TNRC6A: variants seen among roughly 807,000 people sequenced by gnomAD.
TNRC6A encodes trinucleotide repeat containing adaptor 6A, also known as trinucleotide repeat-containing gene 6A protein.
A neutral mutation model predicts 221.2 loss-of-function variants in TNRC6A; 44 were observed. That is an observed-to-expected ratio of 0.20 (90% CI 0.16 to 0.26). TNRC6A has a LOEUF of 0.26. TNRC6A is among the 10% of genes least tolerant of loss of function. The pLI, the probability that TNRC6A is intolerant of heterozygous loss-of-function variation, is 1.00. For missense variants in TNRC6A, 2,199 were observed against 2,404.4 expected, an observed-to-expected ratio of 0.91 and a Z score of 1.79; for synonymous variants, 847 against 838.5, an observed-to-expected ratio of 1.01 and a Z score of -0.18.
At chr16:24,792,613 C>CTTTTTTTTTTTTTTT in intron 6 of TNRC6A, among the ~76,000 whole-genome samples, 1 of 56,514 alleles carries the variant, frequency 1.8e-5, no homozygotes, top group Non-Finnish European at 2.9e-5. Flanking sequence ...ACATTTATGG[C>CTTTTTTTTTTTTTTT]TTTTTTTTTT....
chr16:24,689,260 C>T (rs1167924889), intron 2 of TNRC6A, among the ~76,000 whole-genome samples: 1 of 152,204 alleles, frequency 6.6e-6, no homozygotes, highest in Non-Finnish European at 1.5e-5. Flanking sequence ...AAACAAGCAA[C>T]ACATGTTCTT....
At chr16:24,805,291 A>T (rs983429208) in intron 14 of TNRC6A, 140 bp downstream of exon 14, 2 of 1,237,838 alleles carry the variant, frequency 1.6e-6, no homozygotes, top group African/African-American at 1.5e-5. Context: ...ATTAACTATT[A>T]AAAAAGGTTG....
intron 5 of TNRC6A, among the ~76,000 whole-genome samples, chr16:24,783,259 G>T (rs910027710): frequency 6.6e-6 from 1 of 152,058 alleles, no homozygotes; most frequent in African/African-American, 2.4e-5. Flanking sequence ...CTCCTGAGTA[G>T]CTGAGATTAT....
chr16:24,709,047 G>A (rs145677724), intron 2 of TNRC6A, among the ~76,000 whole-genome samples: 2 of 151,836 alleles, frequency 1.3e-5, no homozygotes, highest in Admixed American at 6.6e-5. Flanking sequence ...GCCTGAGGTC[G>A]GGAGTTCGAG....
chr16:24,621,727 T>C (rs983519682), intron 1 of TNRC6A, among the ~76,000 whole-genome samples: 12 of 152,206 alleles, frequency 7.9e-5, no homozygotes, highest in Admixed American at 1.3e-4. Context: ...TTCCTGTTAC[T>C]ATTATGTTAT....
chr16:24,798,853 A>C (rs1003710195), intron 11 of TNRC6A, among the ~76,000 whole-genome samples: 1 of 152,248 alleles, frequency 6.6e-6, no homozygotes, highest in Non-Finnish European at 1.5e-5. Flanking sequence ...ACAAGACTTT[A>C]ACAAGGAATT....
At chr16:24,786,016 T>G (rs1431021710) in intron 5 of TNRC6A, among the ~76,000 whole-genome samples, 4 of 152,266 alleles carry the variant, frequency 2.6e-5, no homozygotes, top group African/African-American at 7.2e-5. Context: ...AAGAAGCAGT[T>G]TTTGCCCCGT....
Position 24,655,264 on chromosome 16 carries a change from G to T in TNRC6A, n.402+14255G>T, listed in dbSNP as rs746015318. 7.0e-4 allele frequency among the ~76,000 whole-genome samples: 107 copies of T among 152,070 alleles called. 2 individuals carry two copies. Among genetic ancestry groups the T allele is most frequent in the Middle Eastern group, 3.4e-3 (1 of 294 alleles). On this transcript the variant is annotated intron_variant and non_coding_transcript_variant, in intron 2 of 2. Coordinates refer to the TNRC6A transcript ENST00000566108. ...GTCTCAAAAAAAAAATTTGAAAGGC[G>T]GGGGGGAACACTGATAGAAAAAAAG...
chr16:24,820,325 G>C lies in TNRC6A; in HGVS notation c.5267G>C (p.Gly1756Ala). ...GATAATTCTCCCCTTCGTATAGGTG[G>C]AGGATGGGGAAATTCTGACGCCAGA... The part of the protein sequence containing the change: ...TWDNSPLRIG[G>A]GWGNSDARYT... The change falls in exon 22 of 25, where the codon GGA becomes GCA. Residue 1756 changes from glycine to alanine, a missense_variant. By Grantham distance (60) the Gly-to-Ala change is moderately conservative (BLOSUM62 0). Transcript: ENST00000395799. 6.2e-7 allele frequency: 1 copy of C among 1,614,168 alleles called. No individual in the cohort carries two copies. The highest frequency in any genetic ancestry group is 8.5e-7 in the Non-Finnish European group (1 of 1,180,028).
intron 2 of TNRC6A, among the ~76,000 whole-genome samples, chr16:24,702,379 T>C (rs2056003767): frequency 6.6e-6 from 1 of 151,840 alleles, no homozygotes; most frequent in Non-Finnish European, 1.5e-5. Flanking sequence ...GATCTTGCCA[T>C]GTTGCCTAAG....
chr16:24,624,666 A>G (rs1207490146), intron 1 of TNRC6A, among the ~76,000 whole-genome samples: 2 of 151,886 alleles, frequency 1.3e-5, no homozygotes, highest in Admixed American at 1.3e-4. Context: ...TATTTTTTCT[A>G]GAGGTGGGAG....
At chr16:24,648,282 T>A (rs1347650390) in intron 2 of TNRC6A, among the ~76,000 whole-genome samples, 1 of 137,094 alleles carries the variant, frequency 7.3e-6, no homozygotes, top group Non-Finnish European at 1.6e-5. Context: ...AACTTTTTTT[T>A]TTTTTTTGAG....
In TNRC6A at chr16:24,712,785, G is replaced by A. The variant is rs140027793; in HGVS notation, n.403-37941G>A. Among the ~76,000 whole-genome samples the A allele has an allele frequency of 2.7e-3, 414 of 152,080 alleles. 3 individuals carry two copies. Among genetic ancestry groups the A allele is most frequent in the African/African-American group, 9.4e-3 (389 of 41,472 alleles). ...TTATTTTGTTTCGAGACAGGGTCTC[G>A]CTCTGTCACCCAGGCTAGAGTGCAG... On this transcript the variant is annotated intron_variant and non_coding_transcript_variant, in intron 2 of 2. Transcript: ENST00000566108.
Position 24,666,904 on chromosome 16 carries a change from T to A in TNRC6A, n.402+25895T>A, listed in dbSNP as rs1688544877. The stretch of plus-strand genomic sequence containing the variant: ...GCTGAGGCGGGTGGATCATTTGGGA[T>A]CAGGAGTTCGAGAGCAGCCTGGCCG... On this transcript the variant is annotated intron_variant and non_coding_transcript_variant, in intron 2 of 2. Coordinates refer to the TNRC6A transcript ENST00000566108. Among the ~76,000 whole-genome samples, 4 of 151,360 alleles carry A rather than the reference T, an allele frequency of 2.6e-5. No individual in the cohort carries two copies. In the South Asian group the frequency reaches 8.3e-4, roughly 31 times the overall value.
chr16:24,794,766 T>C, intron 8 of TNRC6A, 47 bp downstream of exon 8: 1 of 1,553,184 alleles, frequency 6.4e-7, no homozygotes, highest in African/African-American at 1.4e-5. Flanking sequence ...ATTCCAAAGG[T>C]AGTTTACCCA....
At chr16:24,666,450 G>GC (rs1179982231) in intron 2 of TNRC6A, among the ~76,000 whole-genome samples, 15 of 135,700 alleles carry the variant, frequency 1.1e-4, no homozygotes, top group Middle Eastern at 3.9e-3. Flanking sequence ...TCCAGCCTGG[G>GC]AACAGAGCAA....
In TNRC6A at chr16:24,823,573, C is replaced by T. The variant is rs1292113460; in HGVS notation, c.5655C>T (p.Leu1885=). The T allele has an allele frequency of 2.5e-6, 4 of 1,614,180 alleles. No individual in the cohort carries two copies. Among genetic ancestry groups the T allele is most frequent in the Admixed American group, 1.7e-5 (1 of 60,010 alleles). ...CCAGCCAGAGCCGGCTGGGCTCCCT[C>T]GACTGTTCCCACTCATTCTCCAGCC... ...LGSSQSRLGS[L]DCSHSFSSRT... Residue 1885 remains leucine, a synonymous_variant, in exon 25 of 25, where the codon CTC becomes CTT. Transcript: ENST00000395799. The surrounding 1 kb of genome is among the most constrained non-coding windows in gnomAD (Gnocchi z 4.3).
Position 24,729,702 on chromosome 16 carries a change from G to GCGGCGGTGT in TNRC6A, c.-134_-133insTGTCGGCGG. ...GGCGGTGTCGGCGGCGGCGGCGGCG[G>GCGGCGGTGT]CGGCGGCGGCGGCGGCAGCGGGTCG... is the stretch of plus-strand genomic sequence containing the variant. On this transcript the variant is annotated 5_prime_UTR_variant, in exon 1 of 25. Coordinates refer to ENST00000395799, the MANE Select transcript of TNRC6A (RefSeq NM_014494.4). 1 of 1,043,184 alleles carries GCGGCGGTGT rather than the reference G, an allele frequency of 9.6e-7. No individual in the cohort carries two copies. The allele number at this position is 1,043,184 out of a possible 1,614,324, so 64.6% of individuals were successfully genotyped here.
chr16:24,647,256 C>T (rs558149338), intron 2 of TNRC6A, among the ~76,000 whole-genome samples: 122 of 152,242 alleles, frequency 8.0e-4, no homozygotes, highest in African/African-American at 2.8e-3. Flanking sequence ...GTCTTTTCCT[C>T]ATAATTTTCT....
Sources: gnomAD v4.1 joint callset for allele counts (sites outside exome capture counted in the v4.1 genomes callset) on GRCh38, gnomAD v4.1.1 for gene constraint, Gnocchi (gnomAD v3.1) non-coding constraint, MANE v1.5 for transcripts, NCBI Gene and HGNC (gene_info 2026-07-23, HGNC 2026-07-21) for gene names.